Variants in ZFP90 observed in about 807,000 individuals in gnomAD.
ZFP90 encodes zinc finger protein 90 homolog.
In ZFP90, 38 loss-of-function variants were observed where a neutral mutation model predicts 60.8. That is an observed-to-expected ratio of 0.62 (90% CI 0.48 to 0.82). The LOEUF is 0.82. Ranked by LOEUF, ZFP90 falls within the 40% of genes least tolerant of loss-of-function variation. The pLI is 0.00. For missense variants in ZFP90, 711 were observed against 759.1 expected (o/e 0.94, Z 0.74); for synonymous variants, 287 against 264.8 (o/e 1.08, Z -0.82).
chr16:68,548,768 G>A (rs1462196221), intron 2 of ZFP90, among the ~76,000 whole-genome samples: 2 of 152,084 alleles, frequency 1.3e-5, no homozygotes, highest in Non-Finnish European at 2.9e-5. Context: ...GGGATTACAG[G>A]CATGAGCCAC....
chr16:68,556,532 T>A (rs1015755393), intron 2 of ZFP90, among the ~76,000 whole-genome samples: 3 of 152,200 alleles, frequency 2.0e-5, no homozygotes, highest in Non-Finnish European at 4.4e-5. Flanking sequence ...GTTCATTGAT[T>A]CATTCAGCAA....
chr16:68,574,952 A>G (rs1379450688), intron 2 of ZFP90, among the ~76,000 whole-genome samples: 1 of 140,374 alleles, frequency 7.1e-6, no homozygotes, highest in Non-Finnish European at 1.6e-5. Context: ...AGTGGAAAAA[A>G]AAAGAGACAC....
Position 68,564,740 on chromosome 16 carries a change from A to G in ZFP90, c.*42A>G, listed in dbSNP as rs1488786977. ...GAATTTGCAGAATGCTTTAGCTAAAATGTTCTGATTCAGGATCAGAGGATT... is the reference window on the plus strand; with the variant it reads ...GAATTTGCAGAATGCTTTAGCTAAAGTGTTCTGATTCAGGATCAGAGGATT... On this transcript the variant is annotated 3_prime_UTR_variant, in exon 5 of 5. Coordinates refer to ENST00000563169, the MANE Select transcript of ZFP90 (RefSeq NM_001305203.2). 3 of 1,553,258 alleles carry G rather than the reference A, an allele frequency of 1.9e-6. No homozygotes were observed. Among genetic ancestry groups the G allele is most frequent in the African/African-American group, 2.8e-5 (2 of 72,466 alleles).
downstream of ZFP90, among the ~76,000 whole-genome samples, chr16:68,569,009 A>G (rs752598147): frequency 9.2e-5 from 14 of 151,762 alleles, no homozygotes; most frequent in Non-Finnish European, 1.6e-4. Flanking sequence ...TTTAACATAC[A>G]GTTTTTAAAT....
intron 2 of ZFP90, among the ~76,000 whole-genome samples, chr16:68,574,637 G>C (rs113259286): frequency 6.6e-6 from 1 of 152,186 alleles, no homozygotes; most frequent in African/African-American, 2.4e-5. Context: ...TGAAAGACAC[G>C]CGTGGACCGG....
rs2091382995 is a variant in ZFP90, at chr16:68,558,480, A to C, written c.168A>C (p.Gln56His). The C allele has an allele frequency of 6.2e-7, 1 of 1,613,890 alleles. No individual in the cohort carries two copies. The highest frequency in any genetic ancestry group is 1.3e-5 in the African/African-American group (1 of 74,886). ...NYSHLVSLGY[Q>H]VSKPEVIFKL... ...GTATTTACCCATGAGCAGGATATCA[A>C]GTTTCCAAGCCAGAGGTGATCTTCA... The change falls in exon 4 of 5, where the codon CAA (glutamine) becomes CAC (histidine). Residue 56 changes from glutamine to histidine, a missense_variant. Around this residue, in one of 5 missense-constraint regions of ZFP90, gnomAD observed 241 missense variants for 247.6 expected, o/e 0.97. Coordinates refer to ENST00000563169, the MANE Select transcript of ZFP90 (RefSeq NM_001305203.2).
rs945373528 is a variant in ZFP90, at chr16:68,565,108, A to G, written c.*410A>G. The G allele has an allele frequency of 8.0e-6, 8 of 994,746 alleles. No homozygotes were observed. The highest frequency in any genetic ancestry group is 2.2e-4 in the East Asian group (2 of 9,156). 61.6% of individuals were successfully genotyped at this position (994,746 alleles called of 1,614,324 possible). A position where few individuals can be genotyped will look rare whatever the true frequency, so the allele number is the denominator to read the frequency against. ...AACTGCACTCAACTGCAGCTCTTAC[A>G]TTAACTTCACCATGGAAACCAGTTC... On this transcript the variant is annotated 3_prime_UTR_variant, in exon 5 of 5. Coordinates refer to ENST00000563169, the MANE Select transcript of ZFP90 (RefSeq NM_001305203.2).
upstream of ZFP90, among the ~76,000 whole-genome samples, chr16:68,536,176 A>G (rs1046977364): frequency 2.0e-5 from 3 of 152,222 alleles, no homozygotes; most frequent in African/African-American, 7.2e-5. Flanking sequence ...GTACCAGTGC[A>G]GGTTTTAAAA....
rs1056410907 is a variant in ZFP90 at position 68,539,376 on chromosome 16, A to G, written c.-139A>G. 7 of 230,300 alleles carry G rather than the reference A, an allele frequency of 3.0e-5. No homozygotes were observed. Among genetic ancestry groups the G allele is most frequent in the Non-Finnish European group, 5.1e-5 (6 of 118,632 alleles). The allele number at this position is 230,300 out of a possible 1,614,324, so 14.3% of individuals were successfully genotyped here. A position where few individuals can be genotyped will look rare whatever the true frequency, so the allele number is the denominator to read the frequency against. On this transcript the variant is annotated 5_prime_UTR_variant, in exon 1 of 5. Coordinates refer to ENST00000563169, the MANE Select transcript of ZFP90 (RefSeq NM_001305203.2). ...TTGGGCAGCCCCTCCGCAGATCAGAATTGGAGATAACCGAGGCTTCGGCGG... is the reference window on the plus strand; with the variant it reads ...TTGGGCAGCCCCTCCGCAGATCAGAGTTGGAGATAACCGAGGCTTCGGCGG...
intron 2 of ZFP90, among the ~76,000 whole-genome samples, chr16:68,551,415 CTTTTTTTTTTT>C (rs10538200): frequency 8.1e-6 from 1 of 123,024 alleles, no homozygotes; most frequent in Admixed American, 8.8e-5. Flanking sequence ...ACATGTGATC[CTTTTTTTTTTT>C]TTTTTTTTTT....
At chr16:68,534,793 G>C (rs2090949051), upstream of ZFP90, among the ~76,000 whole-genome samples, 1 of 151,872 alleles carries the variant, frequency 6.6e-6, no homozygotes, top group African/African-American at 2.4e-5. Context: ...TGTAGTCCCA[G>C]CTACTTGAGA....
At chr16:68,547,363 C>T (rs1285599723) in intron 2 of ZFP90, among the ~76,000 whole-genome samples, 3 of 152,116 alleles carry the variant, frequency 2.0e-5, no homozygotes, top group Admixed American at 6.6e-5. Context: ...AATTAGTGTT[C>T]TTGAACATCT....
intron 2 of ZFP90, 37 bp downstream of exon 2, chr16:68,539,862 C>T (rs999073591): frequency 1.3e-6 from 2 of 1,598,402 alleles, no homozygotes; most frequent in Non-Finnish European, 1.7e-6. Context: ...GGCATCCCAT[C>T]CATCTATCCA....
Position 68,563,385 on chromosome 16 carries a change from A to C in ZFP90, c.598A>C (p.Asn200His). 1 of 1,613,814 alleles carries C rather than the reference A, an allele frequency of 6.2e-7. No individual in the cohort carries two copies. Among genetic ancestry groups the C allele is most frequent in the Non-Finnish European group, 8.5e-7 (1 of 1,179,952 alleles). Reference protein sequence around the residue: ...SNLGHNADLLNENNILAKKKP... With the variant: ...SNLGHNADLLHENNILAKKKP... ...TTTGGGACATAATGCAGACTTACTT[A>C]ATGAGAATAATATTCTTGCAAAAAA... is the stretch of plus-strand genomic sequence containing the variant. The change falls in exon 5 of 5, where the codon AAT (asparagine) becomes CAT (histidine). Residue 200 changes from asparagine to histidine, a missense_variant. Asn to His is a moderately conservative substitution (Grantham distance 68). This residue lies in a region of ZFP90 where 241 missense variants were observed against 247.6 expected (regional missense o/e 0.97). Transcript: ENST00000563169.
Position 68,563,591 on chromosome 16 carries a change from G to A in ZFP90, c.804G>A (p.Gln268=). The change falls in exon 5 of 5, where the codon CAG becomes CAA. Residue 268 remains glutamine, a synonymous_variant. Transcript: ENST00000563169. The part of the protein sequence containing the change: ...DCGKTFLWKT[Q]LTEHQRIHTG... The stretch of plus-strand genomic sequence containing the variant: ...GGAAAACCTTTCTCTGGAAGACACA[G>A]CTTACTGAGCATCAGAGAATTCACA... 1 of 1,614,206 alleles carries A rather than the reference G, an allele frequency of 6.2e-7. No individual in the cohort carries two copies. Among genetic ancestry groups the A allele is most frequent in the South Asian group, 1.1e-5 (1 of 91,078 alleles).
chr16:68,552,222 C>T (rs2091274812), intron 2 of ZFP90, among the ~76,000 whole-genome samples: 1 of 152,204 alleles, frequency 6.6e-6, no homozygotes, highest in Non-Finnish European at 1.5e-5. Context: ...TGACTAACTT[C>T]CACCAAGAGT....
chr16:68,564,784 GT>G lies in ZFP90; in HGVS notation c.*87del. 6.7e-7 allele frequency: 1 copy of G among 1,484,588 alleles called. No individual in the cohort carries two copies. Among genetic ancestry groups the G allele is most frequent in the East Asian group, 2.3e-5 (1 of 43,264 alleles). The allele number at this position is 1,484,588 out of a possible 1,614,324, so 92.0% of individuals were successfully genotyped here. ...GAGGATTCTTAGAGAGCTTGGGAAT[GT>G]AATGAATTACGTGTGTGTTTATACG... On this transcript the variant is annotated 3_prime_UTR_variant, in exon 5 of 5. Transcript: ENST00000563169.
At chr16:68,569,126 A>G (rs2091553853), downstream of ZFP90, among the ~76,000 whole-genome samples, 1 of 146,752 alleles carries the variant, frequency 6.8e-6, no homozygotes, top group Non-Finnish European at 1.5e-5. Context: ...AACTATGACA[A>G]TTAGTCCCAC....
intron 2 of ZFP90, 63 bp downstream of exon 2, chr16:68,539,888 GTGTTTGGAGCAGTCAT>G: frequency 6.4e-7 from 1 of 1,570,442 alleles, no homozygotes; most frequent in South Asian, 1.2e-5. Context: ...TCTCCCAAGG[GTGTTTGGAGCAGTCAT>G]TGTTCTCTGC....
Sources: allele counts gnomAD v4.1 joint callset (sites outside exome capture counted in the v4.1 genomes callset), GRCh38; gene constraint gnomAD v4.1.1; regional missense constraint gnomAD v4.1.1; transcripts MANE v1.5; gene names NCBI Gene and HGNC (gene_info 2026-07-23, HGNC 2026-07-21).